The following HDAC4 variants were observed in gnomAD, a reference collection of about 807,000 sequenced individuals.
The protein encoded by HDAC4 is histone deacetylase A.
Under a neutral mutation model 135.1 loss-of-function variants are expected in HDAC4, and 16 were observed. The observed-to-expected ratio is 0.12, with a 90% CI of 0.08 to 0.18. The LOEUF (loss-of-function observed/expected upper bound fraction) is 0.18. HDAC4 is among the 10% of genes least tolerant of loss of function. The probability of loss-of-function intolerance (pLI) is 1.00; values close to 1 mark genes in which losing one functional copy is unlikely to be tolerated. For synonymous variants in HDAC4, 685 were observed against 653.4 expected (o/e 1.05, Z -0.74); for missense variants, 1,143 against 1,511.8 (o/e 0.76, Z 4.05).
chr2:239,250,266 G>A (rs906175035), intron 2 of HDAC4, among the ~76,000 whole-genome samples: 1 of 152,244 alleles, frequency 6.6e-6, no homozygotes, highest in Non-Finnish European at 1.5e-5. Context: ...CACAGAGTCG[G>A]CCCCCAGGGG....
intron 1 of HDAC4, among the ~76,000 whole-genome samples, chr2:239,361,735 C>A (rs1251413367): frequency 6.6e-6 from 1 of 152,194 alleles, no homozygotes; most frequent in Non-Finnish European, 1.5e-5. Context: ...CTGCCCATTC[C>A]GTCACCTTCT....
At chr2:239,273,041 C>A (rs553076523) in intron 2 of HDAC4, among the ~76,000 whole-genome samples, 1 of 152,254 alleles carries the variant, frequency 6.6e-6, no homozygotes, top group African/African-American at 2.4e-5. Context: ...TCCTCATTCC[C>A]GGAACCTAGA....
rs1447597855 is a variant in HDAC4 at position 239,352,566 on chromosome 2, T to C, written c.22+112A>G. 2 of 1,041,150 alleles carry C rather than the reference T, an allele frequency of 1.9e-6. No homozygotes were observed. Among genetic ancestry groups the C allele is most frequent in the Non-Finnish European group, 2.9e-6 (2 of 682,538 alleles). 64.5% of individuals were successfully genotyped at this position (1,041,150 alleles called of 1,614,324 possible). On this transcript the variant is annotated intron_variant, in intron 2 of 26. Transcript: ENST00000543185. The surrounding 1 kb of genome is among the most constrained non-coding windows in gnomAD (Gnocchi z 4.4). ...TGTCAAAAACCAACAGTGACCACTA[T>C]CAAGAAAAACAAAAGTCTCAAATCC...
intron 2 of HDAC4, among the ~76,000 whole-genome samples, chr2:239,275,327 C>T (rs923910267): frequency 1.3e-5 from 2 of 152,234 alleles, no homozygotes; most frequent in African/African-American, 2.4e-5. Flanking sequence ...GTTTGATTGA[C>T]GCAAATCAAG....
intron 1 of HDAC4, among the ~76,000 whole-genome samples, chr2:239,377,727 C>T (rs1444623759): frequency 6.6e-6 from 1 of 152,156 alleles, no homozygotes; most frequent in Admixed American, 6.5e-5. Context: ...TGCAGAGACC[C>T]AACGTGGTGA....
intron 22 of HDAC4, among the ~76,000 whole-genome samples, chr2:239,071,899 T>C (rs1461366615): frequency 6.6e-6 from 1 of 152,190 alleles, no homozygotes; most frequent in Non-Finnish European, 1.5e-5. Flanking sequence ...CTGCTGTTAA[T>C]TGTGGGTCCT....
At chr2:239,075,781 G>A (rs938030779) in intron 22 of HDAC4, among the ~76,000 whole-genome samples, 3 of 152,250 alleles carry the variant, frequency 2.0e-5, no homozygotes, top group African/African-American at 4.8e-5. Context: ...GCCTGAAGAC[G>A]ACATCTCCCC....
intron 24 of HDAC4, 37 bp from the exon 25 acceptor site, chr2:239,054,870 T>G: frequency 1.5e-6 from 2 of 1,375,912 alleles, no homozygotes; most frequent in Non-Finnish European, 2.1e-6. Flanking sequence ...AGACTGCCAA[T>G]ATAATCCACA....
chr2:239,205,865 A>T (rs1438531770), intron 3 of HDAC4, among the ~76,000 whole-genome samples: 1 of 152,214 alleles, frequency 6.6e-6, no homozygotes, highest in East Asian at 1.9e-4. Flanking sequence ...CACGTGTTGT[A>T]GAGGTCAGGG....
At chr2:239,060,334 G>C (rs1047406998) in intron 24 of HDAC4, among the ~76,000 whole-genome samples, 2 of 152,192 alleles carry the variant, frequency 1.3e-5, no homozygotes, top group Non-Finnish European at 2.9e-5. Context: ...ACCAATGTGT[G>C]GAGAACCTGC....
At chr2:239,364,802 G>A (rs1221869614) in intron 1 of HDAC4, among the ~76,000 whole-genome samples, 1 of 152,196 alleles carries the variant, frequency 6.6e-6, no homozygotes, top group Non-Finnish European at 1.5e-5. Flanking sequence ...CAGACAGTGA[G>A]GAAGTATTTT....
Position 239,245,480 on chromosome 2 carries a change from T to C in HDAC4, c.23-8816A>G, listed in dbSNP as rs970385901. 4.6e-5 allele frequency among the ~76,000 whole-genome samples: 7 copies of C among 152,212 alleles called. No individual in the cohort carries two copies. The highest frequency in any genetic ancestry group is 4.1e-4 in the South Asian group (2 of 4,834). On this transcript the variant is annotated intron_variant, in intron 2 of 26. Transcript: ENST00000543185. The surrounding 1 kb of genome is among the most constrained non-coding windows in gnomAD (Gnocchi z 4.4). Reference sequence around the variant, plus strand: ...AACATCGTTTGGGTATAAGATGATATGTAGGAATCATGATTCCTTCTGCTG... The same window carrying C: ...AACATCGTTTGGGTATAAGATGATACGTAGGAATCATGATTCCTTCTGCTG...
chr2:239,127,566 C>A (rs1227256657), intron 11 of HDAC4, among the ~76,000 whole-genome samples: 1 of 152,214 alleles, frequency 6.6e-6, no homozygotes, highest in African/African-American at 2.4e-5. Flanking sequence ...CTCTGGTAAC[C>A]TGAGTGGGGT....
intron 18 of HDAC4, 40 bp downstream of exon 18, chr2:239,089,969 G>A (rs1226563968): frequency 3.5e-6 from 5 of 1,427,184 alleles, no homozygotes; most frequent in Non-Finnish European, 2.0e-6. Context: ...ATCTATGGCA[G>A]GCCTCCTGGA....
At chr2:239,101,458 G>A (rs765448300) in intron 16 of HDAC4, among the ~76,000 whole-genome samples, 4 of 152,188 alleles carry the variant, frequency 2.6e-5, no homozygotes, top group Non-Finnish European at 5.9e-5. Context: ...TGGCACGGAG[G>A]ACACCTCCTG....
At chr2:239,145,374 G>C (rs1235300736) in intron 7 of HDAC4, among the ~76,000 whole-genome samples, 1 of 152,190 alleles carries the variant, frequency 6.6e-6, no homozygotes, top group African/African-American at 2.4e-5. Flanking sequence ...GAAGGTACTG[G>C]GCGTGGGTCG....
At chr2:239,143,606 ACTC>A (rs2041552147) in intron 8 of HDAC4, among the ~76,000 whole-genome samples, 1 of 152,156 alleles carries the variant, frequency 6.6e-6, no homozygotes, top group African/African-American at 2.4e-5. Flanking sequence ...GTGGTTAGGA[ACTC>A]CTCAAGTAGA....
At chr2:239,067,241 CAT>C (rs1051137428) in intron 23 of HDAC4, among the ~76,000 whole-genome samples, 3 of 152,278 alleles carry the variant, frequency 2.0e-5, no homozygotes, top group African/African-American at 7.2e-5. Context: ...TATGTGTACA[CAT>C]GTGCACAGGC....
In HDAC4 at chr2:239,108,135, C is replaced by G; in HGVS notation, c.2027G>C (p.Ser676Thr). 1 of 1,607,662 alleles carries G rather than the reference C, an allele frequency of 6.2e-7. No homozygotes were observed. Among genetic ancestry groups the G allele is most frequent in the African/African-American group, 1.3e-5 (1 of 74,950 alleles). Residue 676 changes from serine to threonine, a missense_variant, in exon 15 of 27, where the codon AGT (serine) becomes ACT (threonine). Transcript: ENST00000543185. Reference sequence around the variant, plus strand: ...GGCGTGCTCGGGGTGGCTGCTGCTACTCCCGCAGGTGCACTGGTGCTTCAG... The same window carrying G: ...GGCGTGCTCGGGGTGGCTGCTGCTAGTCCCGCAGGTGCACTGGTGCTTCAG... Reference protein sequence around the residue: ...LMLKHQCTCGSSSSHPEHAGR... With the variant: ...LMLKHQCTCGTSSSHPEHAGR...
Sources: allele counts gnomAD v4.1 joint callset (sites outside exome capture counted in the v4.1 genomes callset), GRCh38; gene constraint gnomAD v4.1.1; non-coding constraint Gnocchi (gnomAD v3.1); transcripts MANE v1.5; gene names NCBI Gene and HGNC (gene_info 2026-07-23, HGNC 2026-07-21).